The following NKAIN2 variants were observed in gnomAD, a reference collection of about 807,000 sequenced individuals.
NKAIN2 encodes sodium/potassium transporting ATPase interacting 2.
Under a neutral mutation model 32.6 loss-of-function variants are expected in NKAIN2, and 14 were observed. That is an observed-to-expected ratio of 0.43 (90% confidence interval 0.28 to 0.67). NKAIN2 has a LOEUF of 0.67. Among genes scored for constraint, NKAIN2 ranks in the 30% least tolerant of loss-of-function variants. The pLI is 0.17. For synonymous variants in NKAIN2, 80 were observed against 87.2 expected, an observed-to-expected ratio of 0.92 and a Z score of 0.46; for missense variants, 198 against 258.3, an observed-to-expected ratio of 0.77 and a Z score of 1.60.
At chr6:123,810,658 T>A (rs574386103) in intron 1 of NKAIN2, among the ~76,000 whole-genome samples, 71 of 151,898 alleles carry the variant, frequency 4.7e-4, no homozygotes, top group African/African-American at 1.2e-3. Flanking sequence ...TTTTTTTTTT[T>A]AAATCCAGCT....
intron 3 of NKAIN2, among the ~76,000 whole-genome samples, chr6:124,497,824 TAAAAAAAA>T (rs33913104): frequency 1.9e-5 from 2 of 105,710 alleles, no homozygotes; most frequent in South Asian, 8.3e-4. Context: ...GAGTAAGGGG[TAAAAAAAA>T]AAAAAAAAAA....
At position 124,738,320 on chromosome 6, in the gene NKAIN2, A is replaced by G. The variant is rs112479527; in HGVS notation, c.475-53019A>G. On this transcript the variant is annotated intron_variant, in intron 4 of 6. Transcript: ENST00000368417. ...AACATAGTTCTATTCCTTAGATAATAAAATAAAACATAGAAATAATAAAAA... is the reference window on the plus strand; with the variant it reads ...AACATAGTTCTATTCCTTAGATAATGAAATAAAACATAGAAATAATAAAAA... Among the ~76,000 whole-genome samples the G allele has an allele frequency of 5.8e-3, 880 of 151,526 alleles. 13 individuals are homozygous for G. The highest frequency in any genetic ancestry group is 0.021 in the African/African-American group (852 of 41,042).
intron 1 of NKAIN2, among the ~76,000 whole-genome samples, chr6:123,957,943 G>T (rs966909535): frequency 1.3e-5 from 2 of 152,092 alleles, no homozygotes; most frequent in South Asian, 2.1e-4. Flanking sequence ...TGCTCTTATG[G>T]TTAGGTTGGA....
Position 124,676,952 on chromosome 6 carries a change from T to A in NKAIN2, c.474+18566T>A, listed in dbSNP as rs143207524. 2.1e-3 allele frequency among the ~76,000 whole-genome samples: 314 copies of A among 152,152 alleles called. 1 individual carries two copies. Among genetic ancestry groups the A allele is most frequent in the African/African-American group, 7.3e-3 (302 of 41,524 alleles). On this transcript the variant is annotated intron_variant, in intron 4 of 6. Coordinates refer to ENST00000368417, the MANE Select transcript of NKAIN2 (RefSeq NM_001040214.3). ...AGCATTAAATTGGATCTTGTGGGGT[T>A]TGTTGTTGTTGTCGTTGTTGTTGTT...
intron 1 of NKAIN2, among the ~76,000 whole-genome samples, chr6:124,159,640 G>T (rs1189873112): frequency 6.6e-6 from 1 of 152,102 alleles, no homozygotes; most frequent in East Asian, 1.9e-4. Flanking sequence ...TAAAGACAAA[G>T]AAAACTAAAT....
chr6:124,822,490 T>G (rs1781432668), intron 6 of NKAIN2, among the ~76,000 whole-genome samples: 1 of 152,170 alleles, frequency 6.6e-6, no homozygotes, highest in Admixed American at 6.5e-5. Context: ...CCAGCAAATC[T>G]TCTGTGGCCA....
At chr6:124,178,615 A>G (rs1045218170) in intron 1 of NKAIN2, among the ~76,000 whole-genome samples, 2 of 152,172 alleles carry the variant, frequency 1.3e-5, no homozygotes, top group Non-Finnish European at 2.9e-5. Flanking sequence ...TTAACTTTTA[A>G]TGATCACATA....
At chr6:123,975,555 A>G (rs542267997) in intron 1 of NKAIN2, among the ~76,000 whole-genome samples, 2 of 152,282 alleles carry the variant, frequency 1.3e-5, no homozygotes, top group African/African-American at 2.4e-5. Flanking sequence ...ACAAAATATC[A>G]TAAACTGGGT....
intron 3 of NKAIN2, chr6:124,391,119 T>G (rs895732457): frequency 1.2e-4 from 19 of 152,096 alleles, no homozygotes; most frequent in African/African-American, 4.3e-4. Flanking sequence ...TGTGGATGAT[T>G]AACAAATACA....
chr6:124,504,474 T>G (rs185975729), intron 3 of NKAIN2, among the ~76,000 whole-genome samples: 1 of 152,312 alleles, frequency 6.6e-6, no homozygotes, highest in East Asian at 1.9e-4. Context: ...ATTCTCTTAC[T>G]TCTTTTTGAA....
intron 3 of NKAIN2, among the ~76,000 whole-genome samples, chr6:124,477,508 G>C (rs550536176): frequency 1.3e-5 from 2 of 152,080 alleles, no homozygotes; most frequent in Non-Finnish European, 2.9e-5. Flanking sequence ...CATATAATCT[G>C]TCTGCCTGGA....
At chr6:124,371,221 A>G (rs997768592) in intron 3 of NKAIN2, among the ~76,000 whole-genome samples, 2 of 152,130 alleles carry the variant, frequency 1.3e-5, no homozygotes, top group African/African-American at 4.8e-5. Flanking sequence ...AACAAAGTTA[A>G]CAGAATATTA....
chr6:123,903,550 C>T (rs1305578588), intron 1 of NKAIN2, among the ~76,000 whole-genome samples: 1 of 152,160 alleles, frequency 6.6e-6, no homozygotes, highest in Non-Finnish European at 1.5e-5. Flanking sequence ...AAAGTTGACT[C>T]TGGCAACTGT....
At chr6:124,635,821 T>C (rs1354229001) in intron 3 of NKAIN2, among the ~76,000 whole-genome samples, 1 of 151,918 alleles carries the variant, frequency 6.6e-6, no homozygotes, top group Non-Finnish European at 1.5e-5. Flanking sequence ...AAGAGAGAAG[T>C]AGACTCCAAT....
intron 3 of NKAIN2, among the ~76,000 whole-genome samples, chr6:124,636,945 T>C (rs2114335814): frequency 6.6e-6 from 1 of 152,190 alleles, no homozygotes; most frequent in African/African-American, 2.4e-5. Flanking sequence ...TATGTTCATC[T>C]ATGCATTTAT....
chr6:123,936,586 A>T (rs1221756292), intron 1 of NKAIN2, among the ~76,000 whole-genome samples: 1 of 152,142 alleles, frequency 6.6e-6, no homozygotes, highest in Non-Finnish European at 1.5e-5. Flanking sequence ...ATACAAAATG[A>T]AGAGGAGTAA....
intron 1 of NKAIN2, among the ~76,000 whole-genome samples, chr6:124,021,411 C>T (rs994141552): frequency 6.6e-6 from 1 of 151,918 alleles, no homozygotes; most frequent in African/African-American, 2.4e-5. Flanking sequence ...TTTCTCCTAT[C>T]AAGACTTAAA....
At chr6:124,720,626 G>A (rs1447415596) in intron 4 of NKAIN2, among the ~76,000 whole-genome samples, 1 of 152,130 alleles carries the variant, frequency 6.6e-6, no homozygotes, top group Middle Eastern at 3.2e-3. Context: ...TGGTGCTGAA[G>A]CATAGAGCCC....
intron 3 of NKAIN2, among the ~76,000 whole-genome samples, chr6:124,586,612 A>AG (rs1047541509): frequency 6.6e-6 from 1 of 152,106 alleles, no homozygotes; most frequent in African/African-American, 2.4e-5. Flanking sequence ...TGGAAAGAAA[A>AG]AAAAAAAACA....
Sources: allele counts gnomAD v4.1 joint callset (sites outside exome capture counted in the v4.1 genomes callset), GRCh38; gene constraint gnomAD v4.1.1; transcripts MANE v1.5; gene names NCBI Gene and HGNC (gene_info 2026-07-23, HGNC 2026-07-21).